The following GTF2I variants were observed in gnomAD, a reference collection of about 807,000 sequenced individuals.
GTF2I encodes general transcription factor IIi, also known as general transcription factor II-I.
A neutral mutation model predicts 67.6 loss-of-function variants in GTF2I; 12 were observed. The ratio of observed to expected loss-of-function variants is 0.18; its 90% CI spans 0.11 to 0.29. GTF2I has a LOEUF of 0.29. Ranked by LOEUF, GTF2I falls within the 10% of genes least tolerant of loss-of-function variation. GTF2I has a pLI of 1.00. For missense variants in GTF2I, 271 were observed against 580.1 expected, an observed-to-expected ratio of 0.47 and a Z score of 5.47; for synonymous variants, 149 against 197.0, an observed-to-expected ratio of 0.76 and a Z score of 2.04.
chr7:74,708,518 TG>T (rs1554401973), intron 8 of GTF2I, among the ~76,000 whole-genome samples: 1 of 152,158 alleles, frequency 6.6e-6, no homozygotes, highest in Non-Finnish European at 1.5e-5. Context: ...TTGGAGACAT[TG>T]CCAGCCGGGC....
chr7:74,668,223 G>A (rs1440800985), intron 1 of GTF2I, among the ~76,000 whole-genome samples: 6 of 138,036 alleles, frequency 4.3e-5, no homozygotes, highest in Non-Finnish European at 7.6e-5. Context: ...CTGTTGCCCA[G>A]GCTGGAATGT....
chr7:74,672,209 C>T (rs1364233779), intron 1 of GTF2I, among the ~76,000 whole-genome samples: 6 of 151,898 alleles, frequency 4.0e-5, no homozygotes, highest in Non-Finnish European at 8.8e-5. Flanking sequence ...TAATATAAAT[C>T]GTGATAGTTT....
At chr7:74,665,377 G>A (rs1261058844) in intron 1 of GTF2I, among the ~76,000 whole-genome samples, 2 of 151,746 alleles carry the variant, frequency 1.3e-5, no homozygotes, top group African/African-American at 2.4e-5. Flanking sequence ...TCAGCCTCCC[G>A]AGTAGCTGGA....
Position 74,731,613 on chromosome 7 carries a change from T to C in GTF2I, c.1121-866T>C, listed in dbSNP as rs1169627286. 1.7e-4 allele frequency among the ~76,000 whole-genome samples: 26 copies of C among 151,776 alleles called. No homozygotes were observed. In the East Asian group the frequency reaches 2.1e-3, roughly 12 times the overall value. On this transcript the variant is annotated intron_variant, in intron 14 of 34. Coordinates refer to ENST00000573035, the MANE Select transcript of GTF2I (RefSeq NM_032999.4). The stretch of plus-strand genomic sequence containing the variant: ...TGCCTAGTCTGGAGTGGCACGATCT[T>C]GGCTCACTGTAACCTCTGCCTCCCA...
intron 1 of GTF2I, among the ~76,000 whole-genome samples, chr7:74,660,916 C>G (rs1037208775): frequency 1.3e-5 from 2 of 152,218 alleles, no homozygotes; most frequent in Admixed American, 6.5e-5. Context: ...GCATCGTCCT[C>G]GTGCCTTGCC....
At chr7:74,724,270 C>T (rs2718278) in intron 12 of GTF2I, among the ~76,000 whole-genome samples, 23,947 of 151,954 alleles carry the variant, frequency 0.16, 3,260 homozygotes, top group African/African-American at 0.37. Flanking sequence ...TTAATGGCTC[C>T]AGTTTTGAAA....
chr7:74,716,431 C>T (rs1456742410), intron 10 of GTF2I, among the ~76,000 whole-genome samples: 2 of 152,114 alleles, frequency 1.3e-5, no homozygotes, highest in African/African-American at 4.8e-5. Context: ...CCATGGCTTT[C>T]ACCATAGTGA....
intron 1 of GTF2I, chr7:74,684,711 T>C (rs1324825391): frequency 6.6e-6 from 1 of 152,194 alleles, no homozygotes; most frequent in African/African-American, 2.4e-5. Context: ...TTGGGGTGCT[T>C]TCCATCCTGC....
intron 1 of GTF2I, among the ~76,000 whole-genome samples, chr7:74,665,075 G>A (rs1282054485): frequency 3.3e-5 from 5 of 151,642 alleles, no homozygotes; most frequent in African/African-American, 9.7e-5. Context: ...GAGTAGCTGG[G>A]ATTACAGGTA....
At chr7:74,680,535 G>GT (rs1366993118) in intron 1 of GTF2I, among the ~76,000 whole-genome samples, 2 of 152,022 alleles carry the variant, frequency 1.3e-5, no homozygotes, top group African/African-American at 4.8e-5. Flanking sequence ...GATCTCAGGA[G>GT]TTCGAGACCA....
At chr7:74,697,608 A>G (rs1271171486) in intron 3 of GTF2I, among the ~76,000 whole-genome samples, 1 of 152,058 alleles carries the variant, frequency 6.6e-6, no homozygotes, top group Non-Finnish European at 1.5e-5. Context: ...AACCAATACA[A>G]ATTTTCTTTT....
chr7:74,660,139 A>G (rs1458883185), intron 1 of GTF2I, among the ~76,000 whole-genome samples: 1 of 149,616 alleles, frequency 6.7e-6, no homozygotes, highest in Non-Finnish European at 1.5e-5. Flanking sequence ...GCCTATGGAA[A>G]TCTTTCTTGC....
At chr7:74,703,720 G>A (rs910908576) in intron 6 of GTF2I, among the ~76,000 whole-genome samples, 1 of 152,148 alleles carries the variant, frequency 6.6e-6, no homozygotes, top group Non-Finnish European at 1.5e-5. Flanking sequence ...AAACCATTGC[G>A]TAAACCCAAA....
intron 3 of GTF2I, among the ~76,000 whole-genome samples, chr7:74,694,435 A>C (rs781890320): frequency 1.7e-4 from 26 of 152,148 alleles, no homozygotes; most frequent in Non-Finnish European, 2.8e-4. Flanking sequence ...AAAATACAAA[A>C]AATTAGCCAG....
chr7:74,665,494 C>T (rs185524972), intron 1 of GTF2I, among the ~76,000 whole-genome samples: 10 of 151,694 alleles, frequency 6.6e-5, no homozygotes, highest in African/African-American at 1.5e-4. Flanking sequence ...TCAGATGGTC[C>T]GCCCACCTCA....
chr7:74,722,289 A>T (rs1419730296), intron 12 of GTF2I, among the ~76,000 whole-genome samples: 1 of 152,194 alleles, frequency 6.6e-6, no homozygotes, highest in Non-Finnish European at 1.5e-5. Context: ...CATTTAAAAC[A>T]TACGTGACTT....
intron 1 of GTF2I, among the ~76,000 whole-genome samples, chr7:74,660,621 C>CTTTTTT (rs35605839): frequency 7.6e-4 from 94 of 124,464 alleles, no homozygotes; most frequent in East Asian, 1.6e-3. Flanking sequence ...CTTTTCTTTT[C>CTTTTTT]TTTTTTTTTT....
At chr7:74,687,604 T>G in intron 1 of GTF2I, 1 of 937,382 alleles carries the variant, frequency 1.1e-6, no homozygotes, top group Non-Finnish European at 1.3e-6. Flanking sequence ...GGCTAGCAGT[T>G]AATTCACATG....
intron 14 of GTF2I, among the ~76,000 whole-genome samples, chr7:74,730,713 C>CTTTTTTTTTTTTTTTTTTTTT (rs869183139): frequency 9.4e-5 from 6 of 63,918 alleles, no homozygotes; most frequent in Non-Finnish European, 1.4e-4. Flanking sequence ...CTACTTTTAT[C>CTTTTTTTTTTTTTTTTTTTTT]TTTTTTTTTT....
Sources: allele counts gnomAD v4.1 joint callset (sites outside exome capture counted in the v4.1 genomes callset), GRCh38; gene constraint gnomAD v4.1.1; transcripts MANE v1.5; gene names NCBI Gene and HGNC (gene_info 2026-07-23, HGNC 2026-07-21).